TMEM252: variants seen among roughly 807,000 people sequenced by gnomAD.
The protein encoded by TMEM252 is transmembrane protein 252.
Under a neutral mutation model 6.4 loss-of-function variants are expected in TMEM252, and 4 were observed. The observed-to-expected ratio is 0.62, with a 90% confidence interval of 0.31 to 1.43. TMEM252 has a LOEUF of 1.43. Ranked by LOEUF, TMEM252 falls within the 40% of genes most tolerant of loss-of-function variation. The probability of loss-of-function intolerance (pLI) is 0.07; values close to 1 mark genes in which losing one functional copy is unlikely to be tolerated. For missense variants in TMEM252, 207 were observed against 209.4 expected (o/e 0.99, Z 0.07); for synonymous variants, 85 against 82.5 (o/e 1.03, Z -0.17).
rs1447394474 is a variant in TMEM252 at position 68,536,857 on chromosome 9, A to G, written c.*402T>C. Reference sequence around the variant, plus strand: ...ACCTTCGCTTTGAGATTACTAGGTGATATAGAACAGGAAGGCATGTGGCTG... The same window carrying G: ...ACCTTCGCTTTGAGATTACTAGGTGGTATAGAACAGGAAGGCATGTGGCTG... On this transcript the variant is annotated 3_prime_UTR_variant, in exon 2 of 2. Transcript: ENST00000377311. 1.1e-5 allele frequency: 2 copies of G among 182,112 alleles called. No individual in the cohort carries two copies. Among genetic ancestry groups the G allele is most frequent in the African/African-American group, 4.8e-5 (2 of 41,906 alleles). 11.3% of individuals were successfully genotyped at this position (182,112 alleles called of 1,614,324 possible).
At position 68,537,353 on chromosome 9, in the gene TMEM252, T is replaced by G; in HGVS notation, c.419A>C (p.His140Pro). 1 of 1,606,108 alleles carries G rather than the reference T, an allele frequency of 6.2e-7. No homozygotes were observed. The highest frequency in any genetic ancestry group is 2.2e-5 in the East Asian group (1 of 44,698). ...GLEFQDGNDS[H>P]PEAPPSYRES... Reference sequence around the variant, plus strand: ...TCTATAAGATGGTGGGGCCTCTGGGTGGGAGTCATTTCCATCCTGGAATTC... The same window carrying G: ...TCTATAAGATGGTGGGGCCTCTGGGGGGGAGTCATTTCCATCCTGGAATTC... The change falls in exon 2 of 2, where the codon CAC (histidine) becomes CCC (proline). Residue 140 changes from histidine (H) to proline (P), a missense_variant. Transcript: ENST00000377311.
At position 68,537,556 on chromosome 9, in the gene TMEM252, C is replaced by T. The variant is rs763397442; in HGVS notation, c.279-63G>A. ...TAGGCATTAATGCCAAAGAGGCAGA[C>T]GGCTGCCTCTCTCAGCTCAAATTGT... On this transcript the variant is annotated intron_variant, in intron 1 of 1. Coordinates refer to ENST00000377311, the MANE Select transcript of TMEM252 (RefSeq NM_153237.2). 5.7e-5 allele frequency: 75 copies of T among 1,320,864 alleles called. 2 individuals are homozygous for T. In the Middle Eastern group the frequency reaches 2.7e-3, roughly 48 times the overall value. The allele number at this position is 1,320,864 out of a possible 1,614,324, so 81.8% of individuals were successfully genotyped here.
intron 1 of TMEM252, 59 bp downstream of exon 1, chr9:68,540,478 A>T (rs972089564): frequency 2.2e-5 from 35 of 1,599,628 alleles, no homozygotes; most frequent in Non-Finnish European, 2.8e-5. Flanking sequence ...AATTACTCAG[A>T]TCTTACACAA....
In TMEM252 at chr9:68,537,041, T is replaced by A; in HGVS notation, c.*218A>T. The stretch of plus-strand genomic sequence containing the variant: ...TAAGATTAGTGTGAATGCTCTGAAA[T>A]GTCTGCTTGGTGTTGGCCACACCCT... On this transcript the variant is annotated 3_prime_UTR_variant, in exon 2 of 2. Coordinates refer to ENST00000377311, the MANE Select transcript of TMEM252 (RefSeq NM_153237.2). 1 of 502,516 alleles carries A rather than the reference T, an allele frequency of 2.0e-6. No homozygotes were observed. Among genetic ancestry groups the A allele is most frequent in the Admixed American group, 4.3e-5 (1 of 23,214 alleles). 31.1% of individuals were successfully genotyped at this position (502,516 alleles called of 1,614,324 possible).
In TMEM252 at chr9:68,537,247, G is replaced by A. The variant is rs1463460765; in HGVS notation, c.*12C>T. On this transcript the variant is annotated 3_prime_UTR_variant, in exon 2 of 2. Coordinates refer to ENST00000377311, the MANE Select transcript of TMEM252 (RefSeq NM_153237.2). Reference sequence around the variant, plus strand: ...GTGGTGGCATCATGAGTGCTGGAGAGCTTTCTCTGCCTCAGCACTCTTGGC... The same window carrying A: ...GTGGTGGCATCATGAGTGCTGGAGAACTTTCTCTGCCTCAGCACTCTTGGC... 2 of 1,598,902 alleles carry A rather than the reference G, an allele frequency of 1.3e-6. No individual in the cohort carries two copies. Among genetic ancestry groups the A allele is most frequent in the South Asian group, 1.1e-5 (1 of 88,756 alleles).
At chr9:68,539,203 C>A (rs1358900591) in intron 1 of TMEM252, among the ~76,000 whole-genome samples, 1 of 152,166 alleles carries the variant, frequency 6.6e-6, no homozygotes, top group Non-Finnish European at 1.5e-5. Flanking sequence ...AGTCTTGTAG[C>A]CTGTATCTTG....
intron 1 of TMEM252, among the ~76,000 whole-genome samples, chr9:68,538,054 A>T (rs1425881697): frequency 6.6e-6 from 1 of 152,240 alleles, no homozygotes; most frequent in African/African-American, 2.4e-5. Flanking sequence ...AAAATATACA[A>T]ACATATTCAT....
At chr9:68,538,529 A>T (rs1489344999) in intron 1 of TMEM252, among the ~76,000 whole-genome samples, 1 of 152,208 alleles carries the variant, frequency 6.6e-6, no homozygotes, top group African/African-American at 2.4e-5. Context: ...CCCTGGAGTG[A>T]TGTGAAAGGT....
intron 1 of TMEM252, among the ~76,000 whole-genome samples, chr9:68,537,856 A>G (rs1001020448): frequency 9.2e-5 from 14 of 152,168 alleles, no homozygotes; most frequent in African/African-American, 3.4e-4. Flanking sequence ...TCTACCGAGT[A>G]CTTAGTCCAT....
rs1226452939 is a variant in TMEM252, at chr9:68,536,897, A to G, written c.*362T>C. 1 of 217,204 alleles carries G rather than the reference A, an allele frequency of 4.6e-6. No individual in the cohort carries two copies. Among genetic ancestry groups the G allele is most frequent in the African/African-American group, 2.3e-5 (1 of 42,644 alleles). 13.5% of individuals were successfully genotyped at this position (217,204 alleles called of 1,614,324 possible). A position where few individuals can be genotyped will look rare whatever the true frequency, so the allele number is the denominator to read the frequency against. Reference sequence around the variant, plus strand: ...GCATGTGGCTGTCCTGACAACCAGCATCTATTCCTCCCTGGCTGGAGTTGA... The same window carrying G: ...GCATGTGGCTGTCCTGACAACCAGCGTCTATTCCTCCCTGGCTGGAGTTGA... On this transcript the variant is annotated 3_prime_UTR_variant, in exon 2 of 2. Coordinates refer to ENST00000377311, the MANE Select transcript of TMEM252 (RefSeq NM_153237.2).
intron 1 of TMEM252, among the ~76,000 whole-genome samples, chr9:68,537,715 C>A (rs1021177282): frequency 2.0e-5 from 3 of 152,218 alleles, no homozygotes; most frequent in African/African-American, 7.2e-5. Flanking sequence ...CCTCTAGTCA[C>A]ATTTTTTTCC....
At chr9:68,539,408 C>T (rs867991091) in intron 1 of TMEM252, among the ~76,000 whole-genome samples, 1 of 152,162 alleles carries the variant, frequency 6.6e-6, no homozygotes, top group African/African-American at 2.4e-5. Context: ...GCTCTACAAC[C>T]ATCACCTTAA....
chr9:68,537,681 T>A (rs921120429), intron 1 of TMEM252, among the ~76,000 whole-genome samples, 188 bp from the exon 2 acceptor site: 4 of 152,224 alleles, frequency 2.6e-5, no homozygotes, highest in African/African-American at 9.7e-5. Flanking sequence ...CAAAAGAACC[T>A]TTTTATCAGC....
intron 1 of TMEM252, among the ~76,000 whole-genome samples, chr9:68,537,704 G>C (rs1458242044): frequency 6.6e-6 from 1 of 152,224 alleles, no homozygotes; most frequent in Non-Finnish European, 1.5e-5. Context: ...CAGGATGCCT[G>C]CCTCTAGTCA....
At chr9:68,538,304 C>T (rs552730941) in intron 1 of TMEM252, among the ~76,000 whole-genome samples, 2 of 152,304 alleles carry the variant, frequency 1.3e-5, no homozygotes, top group African/African-American at 2.4e-5. Flanking sequence ...GTGATCCTTC[C>T]AGTGCCTACA....
At position 68,537,482 on chromosome 9, in the gene TMEM252, TA is replaced by T. The variant is rs1255596686; in HGVS notation, c.289del (p.Tyr97ThrfsTer55). The T allele has an allele frequency of 6.3e-7, 1 of 1,599,790 alleles. No homozygotes were observed. The highest frequency in any genetic ancestry group is 8.5e-7 in the Non-Finnish European group (1 of 1,175,972). On this transcript the variant is annotated frameshift_variant, in exon 2 of 2. Coordinates refer to ENST00000377311, the MANE Select transcript of TMEM252 (RefSeq NM_153237.2). LOFTEE classifies it low-confidence loss of function (END_TRUNC). ...AAGGCTCTCTTCATAAGCTGGAGGGTAAAAGTCTGGCCTAGGGGACAAAACA... is the reference window on the plus strand; with the variant it reads ...AAGGCTCTCTTCATAAGCTGGAGGGTAAAGTCTGGCCTAGGGGACAAAACA... ...PVATVDRPDFYPPAYEESLEV... is the reference protein window; with the variant it reads ...PVATVDRPDFXPPAYEESLEV...
chr9:68,538,475 G>A (rs1351911505), intron 1 of TMEM252, among the ~76,000 whole-genome samples: 2 of 152,132 alleles, frequency 1.3e-5, no homozygotes, highest in East Asian at 1.9e-4. Context: ...GCTGAGTCAC[G>A]GGGCACATGT....
chr9:68,537,627 C>T (rs143587994), intron 1 of TMEM252, 134 bp from the exon 2 acceptor site: 2 of 682,536 alleles, frequency 2.9e-6, no homozygotes, highest in African/African-American at 3.8e-5. Flanking sequence ...AACAGATGTA[C>T]TTCTTCCTGG....
In TMEM252 at chr9:68,540,245, A is replaced by G. The variant is rs370923546; in HGVS notation, c.278+292T>C. Among the ~76,000 whole-genome samples the G allele has an allele frequency of 2.6e-5, 4 of 152,360 alleles. No homozygotes were observed. The East Asian group carries it at 7.7e-4, about 29-fold the overall frequency. On this transcript the variant is annotated intron_variant, in intron 1 of 1. Transcript: ENST00000377311. ...CTGCCACTAATTAATGACAGCTGCC[A>G]TGATATAACAAAAGAGCCTGGGTTT...
Sources: allele counts gnomAD v4.1 joint callset (sites outside exome capture counted in the v4.1 genomes callset), GRCh38; gene constraint gnomAD v4.1.1; transcripts MANE v1.5; gene names NCBI Gene and HGNC (gene_info 2026-07-23, HGNC 2026-07-21).